The following SCFD2 variants were observed in gnomAD, a reference collection of about 807,000 sequenced individuals.
The protein encoded by SCFD2 is sec1 family domain containing 2.
A neutral mutation model predicts 58.9 loss-of-function variants in SCFD2; 54 were observed. The ratio of observed to expected loss-of-function variants is 0.92; its 90% CI spans 0.74 to 1.15. SCFD2 has a LOEUF of 1.15. Among genes scored for constraint, SCFD2 ranks in the 50% most tolerant of loss-of-function variants. SCFD2 has a pLI of 0.00. For missense variants in SCFD2, 805 were observed against 836.6 expected (o/e 0.96, Z 0.47); for synonymous variants, 321 against 335.9 (o/e 0.96, Z 0.49).
intron 4 of SCFD2, among the ~76,000 whole-genome samples, chr4:53,253,392 T>C (rs573434252): frequency 2.5e-3 from 377 of 152,242 alleles, no homozygotes; most frequent in African/African-American, 8.7e-3. Flanking sequence ...TTACTGGGTA[T>C]ATACCCAAAG....
chr4:52,983,683 T>C (rs1009912727), intron 5 of SCFD2, among the ~76,000 whole-genome samples: 24 of 152,232 alleles, frequency 1.6e-4, no homozygotes, highest in African/African-American at 5.3e-4. Context: ...AATTTGCCTA[T>C]TCTAATTTAT....
At chr4:52,881,990 G>C (rs146144120) in intron 8 of SCFD2, among the ~76,000 whole-genome samples, 45 of 152,270 alleles carry the variant, frequency 3.0e-4, no homozygotes, top group African/African-American at 1.1e-3. Context: ...GCAGGGGTGA[G>C]ATCATGTGAG....
At chr4:53,331,432 A>T (rs1329980474) in intron 2 of SCFD2, among the ~76,000 whole-genome samples, 1 of 152,238 alleles carries the variant, frequency 6.6e-6, no homozygotes, top group East Asian at 1.9e-4. Flanking sequence ...AGAACTCAGG[A>T]TTAAGAATTT....
chr4:53,112,640 G>A (rs756087119), intron 5 of SCFD2, among the ~76,000 whole-genome samples: 3 of 152,084 alleles, frequency 2.0e-5, no homozygotes, highest in Non-Finnish European at 4.4e-5. Context: ...ACCAGGCTCA[G>A]GTTTGAATCA....
intron 4 of SCFD2, among the ~76,000 whole-genome samples, chr4:53,220,637 TA>T (rs1729021276): frequency 1.3e-5 from 2 of 152,212 alleles, no homozygotes; most frequent in African/African-American, 2.4e-5. Context: ...ACAAGAGTTT[TA>T]TAGCATTAGA....
intron 3 of SCFD2, among the ~76,000 whole-genome samples, chr4:53,301,381 T>A (rs1258898789): frequency 6.6e-6 from 1 of 151,576 alleles, no homozygotes; most frequent in Non-Finnish European, 1.5e-5. Context: ...ACACATACAC[T>A]CTCCCAAGAC....
At chr4:53,169,347 GCGAGACT>G (rs1727109349) in intron 4 of SCFD2, among the ~76,000 whole-genome samples, 1 of 152,138 alleles carries the variant, frequency 6.6e-6, no homozygotes, top group Admixed American at 6.5e-5. Flanking sequence ...GGGTGACAGA[GCGAGACT>G]CTGACTCAAA....
chr4:53,228,791 A>G (rs893103627), intron 4 of SCFD2, among the ~76,000 whole-genome samples: 3 of 152,206 alleles, frequency 2.0e-5, no homozygotes, highest in Non-Finnish European at 4.4e-5. Flanking sequence ...CAGGAGAAGG[A>G]AATAAAGGGC....
intron 4 of SCFD2, among the ~76,000 whole-genome samples, chr4:53,191,746 T>C (rs1227205513): frequency 6.6e-6 from 1 of 152,138 alleles, no homozygotes; most frequent in African/African-American, 2.4e-5. Flanking sequence ...GTAACTGTCA[T>C]AGAAAACAAT....
intron 5 of SCFD2, among the ~76,000 whole-genome samples, chr4:53,046,779 T>TGCCTCAGCCTCCCAAGTAGCTGGGATTA (rs1372873703): frequency 6.6e-6 from 1 of 152,086 alleles, no homozygotes; most frequent in Non-Finnish European, 1.5e-5. Context: ...GCAATTCTCC[T>TGCCTCAGCCTCCCAAGTAGCTGGGATTA]GCCTCAGCCT....
At chr4:53,275,556 G>C (rs566322693) in intron 3 of SCFD2, among the ~76,000 whole-genome samples, 1 of 152,320 alleles carries the variant, frequency 6.6e-6, no homozygotes, top group South Asian at 2.1e-4. Flanking sequence ...GCCTTTTCTA[G>C]TGTACAGTTC....
chr4:53,103,078 A>G (rs950103899), intron 5 of SCFD2, among the ~76,000 whole-genome samples: 6 of 152,178 alleles, frequency 3.9e-5, no homozygotes, highest in Admixed American at 2.0e-4. Context: ...GGAAGAATCA[A>G]TGGGGAAAAG....
At chr4:52,920,620 A>T in intron 6 of SCFD2, 105 bp downstream of exon 6, 2 of 737,908 alleles carry the variant, frequency 2.7e-6, no homozygotes, top group Non-Finnish European at 4.2e-6. Flanking sequence ...CATCTAGAAC[A>T]AACCTTTGGT....
chr4:53,076,764 G>A (rs1003295164), intron 5 of SCFD2, among the ~76,000 whole-genome samples: 18 of 152,166 alleles, frequency 1.2e-4, no homozygotes, highest in Admixed American at 6.5e-4. Flanking sequence ...TCTCTACACC[G>A]GCTCAAAGTA....
chr4:53,323,812 C>T (rs1005419361), intron 2 of SCFD2, among the ~76,000 whole-genome samples: 10 of 151,938 alleles, frequency 6.6e-5, no homozygotes, highest in African/African-American at 2.4e-4. Context: ...TATGGTGTTG[C>T]TTAATTTCTG....
At chr4:53,254,979 T>G (rs1730551980) in intron 4 of SCFD2, among the ~76,000 whole-genome samples, 1 of 150,312 alleles carries the variant, frequency 6.7e-6, no homozygotes. Context: ...TTCACGCCAT[T>G]CTCCTGCCTC....
intron 3 of SCFD2, among the ~76,000 whole-genome samples, chr4:53,311,699 A>G (rs1220685863): frequency 6.6e-6 from 1 of 151,546 alleles, no homozygotes; most frequent in Non-Finnish European, 1.5e-5. Flanking sequence ...GCAGTGGCGC[A>G]ATCTCAGCTC....
At chr4:53,299,869 A>C (rs1732206654) in intron 3 of SCFD2, among the ~76,000 whole-genome samples, 1 of 152,230 alleles carries the variant, frequency 6.6e-6, no homozygotes, top group South Asian at 2.1e-4. Context: ...TGAACGAGAA[A>C]TAAAATCCTT....
At chr4:53,003,281 C>T (rs909308579) in intron 5 of SCFD2, among the ~76,000 whole-genome samples, 4 of 152,212 alleles carry the variant, frequency 2.6e-5, no homozygotes, top group Non-Finnish European at 4.4e-5. Flanking sequence ...AGACACGGAT[C>T]TCTGTCCTCA....
Sources: gnomAD v4.1 joint callset for allele counts (sites outside exome capture counted in the v4.1 genomes callset) on GRCh38, gnomAD v4.1.1 for gene constraint, MANE v1.5 for transcripts, NCBI Gene and HGNC (gene_info 2026-07-23, HGNC 2026-07-21) for gene names.